SYTL2: variants seen among roughly 807,000 people sequenced by gnomAD.
The protein encoded by SYTL2 is synaptotagmin-like protein 2.
Under a neutral mutation model 198.7 loss-of-function variants are expected in SYTL2, and 165 were observed. That is an observed-to-expected ratio of 0.83 (90% CI 0.73 to 0.94). The LOEUF (loss-of-function observed/expected upper bound fraction) is 0.94, where lower values mean the gene tolerates loss of function less well. SYTL2 is among the 40% of genes least tolerant of loss of function. The probability of loss-of-function intolerance (pLI) is 0.00; values close to 1 mark genes in which losing one functional copy is unlikely to be tolerated. For synonymous variants in SYTL2, 966 were observed against 917.7 expected (o/e 1.05, Z -0.95); for missense variants, 2,835 against 2,582.8 (o/e 1.10, Z -2.12).
chr11:85,749,496 G>A (rs2091381818), intron 2 of SYTL2, among the ~76,000 whole-genome samples: 1 of 152,180 alleles, frequency 6.6e-6, no homozygotes, highest in Admixed American at 6.5e-5. Context: ...AGGCATACCT[G>A]GGAGTGGGAA....
the SYTL2 span, among the ~76,000 whole-genome samples, chr11:85,829,611 C>A: frequency 1.3e-5 from 2 of 152,276 alleles, no homozygotes; most frequent in African/African-American, 2.4e-5. Context: ...GTTTTAAGTT[C>A]TTTGAGAAAC....
intron 1 of SYTL2, among the ~76,000 whole-genome samples, chr11:85,776,047 G>T (rs1333521698): frequency 3.3e-5 from 5 of 152,176 alleles, no homozygotes; most frequent in African/African-American, 1.2e-4. Flanking sequence ...CAGAAGATGA[G>T]TGAGTCCTCA....
intron 7 of SYTL2, among the ~76,000 whole-genome samples, chr11:85,729,993 A>G (rs1348657075): frequency 1.3e-5 from 2 of 152,232 alleles, no homozygotes; most frequent in African/African-American, 4.8e-5. Context: ...GAAAATCTAG[A>G]AGAAATGGAT....
intron 6 of SYTL2, among the ~76,000 whole-genome samples, chr11:85,735,614 G>A (rs1391191391): frequency 5.9e-5 from 9 of 152,068 alleles, no homozygotes; most frequent in Non-Finnish European, 1.0e-4. Context: ...AAAATTAGGC[G>A]GGTGTGGTAG....
chr11:85,807,521 TA>T (rs371103662), intron 1 of SYTL2, among the ~76,000 whole-genome samples: 138 of 152,346 alleles, frequency 9.1e-4, no homozygotes, highest in African/African-American at 3.2e-3. Context: ...CATCAATTTA[TA>T]AAAGTGGAAA....
chr11:85,731,524 T>C (rs574923323), intron 7 of SYTL2, among the ~76,000 whole-genome samples: 95 of 152,276 alleles, frequency 6.2e-4, no homozygotes, highest in Admixed American at 3.7e-3. Flanking sequence ...GAAAACTGGC[T>C]AGCCATACGC....
chr11:85,839,440 G>T, the SYTL2 span, among the ~76,000 whole-genome samples: 2 of 152,288 alleles, frequency 1.3e-5, no homozygotes, highest in South Asian at 4.1e-4. Context: ...CCAGAGGATG[G>T]GAAGGGTATG....
At chr11:85,718,906 G>C in intron 9 of SYTL2, 63 bp from the exon 10 acceptor site, 4 of 1,592,112 alleles carry the variant, frequency 2.5e-6, no homozygotes, top group Non-Finnish European at 3.4e-6. Flanking sequence ...AGAACAATGA[G>C]ATTGTCCCTG....
chr11:85,709,585 A>T, intron 13 of SYTL2, 85 bp from the exon 14 acceptor site: 1 of 1,305,208 alleles, frequency 7.7e-7, no homozygotes, highest in Non-Finnish European at 1.1e-6. Context: ...CCCTGCTGGC[A>T]TTATTTCTTT....
chr11:85,745,912 G>T, intron 3 of SYTL2, 140 bp from the exon 4 acceptor site: 1 of 731,010 alleles, frequency 1.4e-6, no homozygotes, highest in Non-Finnish European at 2.2e-6. Context: ...GGTCTAAGTA[G>T]TTGATCAGAA....
intron 1 of SYTL2, among the ~76,000 whole-genome samples, chr11:85,761,747 C>A (rs2092101621): frequency 6.6e-6 from 1 of 152,192 alleles, no homozygotes; most frequent in Admixed American, 6.5e-5. Context: ...CAACTTCCAC[C>A]TCCTGGGTTT....
At chr11:85,847,506 G>C in the SYTL2 span, among the ~76,000 whole-genome samples, 1 of 152,046 alleles carries the variant, frequency 6.6e-6, no homozygotes, top group Non-Finnish European at 1.5e-5. Flanking sequence ...GGTTTGCTGG[G>C]TCATACAGTA....
intron 1 of SYTL2, among the ~76,000 whole-genome samples, chr11:85,793,744 T>TCA (rs1379251416): frequency 6.6e-6 from 1 of 152,206 alleles, no homozygotes; most frequent in Admixed American, 6.5e-5. Context: ...CTCACAGCTG[T>TCA]CACATTATTT....
the SYTL2 span, among the ~76,000 whole-genome samples, chr11:85,843,081 A>G: frequency 6.6e-6 from 1 of 152,168 alleles, no homozygotes; most frequent in Non-Finnish European, 1.5e-5. Context: ...AAAATTAAAG[A>G]GTCTAAAATG....
the SYTL2 span, among the ~76,000 whole-genome samples, chr11:85,844,500 T>C: frequency 6.6e-6 from 1 of 152,362 alleles, no homozygotes; most frequent in East Asian, 1.9e-4. Context: ...TGAGGTAGTG[T>C]TACTCCACAT....
intron 17 of SYTL2, among the ~76,000 whole-genome samples, chr11:85,699,858 C>T (rs2083988723): frequency 1.3e-5 from 2 of 152,154 alleles, no homozygotes; most frequent in Non-Finnish European, 2.9e-5. Context: ...AATTAATAAT[C>T]TTGAGGGAAA....
chr11:85,721,041 G>T, intron 8 of SYTL2, 82 bp from the exon 9 acceptor site: 1 of 802,728 alleles, frequency 1.2e-6, no homozygotes, highest in Non-Finnish European at 2.0e-6. Context: ...AGAAATGGTA[G>T]GCTGAAAAGA....
the SYTL2 span, among the ~76,000 whole-genome samples, chr11:85,822,276 G>A: frequency 1.3e-5 from 2 of 152,180 alleles, no homozygotes; most frequent in African/African-American, 2.4e-5. Flanking sequence ...GTCTGGAATG[G>A]CTACTGCTAA....
the SYTL2 span, among the ~76,000 whole-genome samples, chr11:85,845,309 A>C: frequency 6.6e-6 from 1 of 152,244 alleles, no homozygotes; most frequent in African/African-American, 2.4e-5. Flanking sequence ...CTCATGAGTT[A>C]CAACAAGCTA....
Sources: gnomAD v4.1 joint callset for allele counts (sites outside exome capture counted in the v4.1 genomes callset) on GRCh38, gnomAD v4.1.1 for gene constraint, MANE v1.5 for transcripts, NCBI Gene and HGNC (gene_info 2026-07-23, HGNC 2026-07-21) for gene names.